AGAP1: variants seen among roughly 807,000 people sequenced by gnomAD.
AGAP1 encodes ArfGAP with GTPase domain, ankyrin repeat and PH domain 1.
In AGAP1, 29 loss-of-function variants were observed where a neutral mutation model predicts 105.3. The observed-to-expected ratio is 0.28, with a 90% CI of 0.21 to 0.38. AGAP1 has a LOEUF of 0.38. Among genes scored for constraint, AGAP1 ranks in the 10% least tolerant of loss-of-function variants. The pLI, the probability that AGAP1 is intolerant of heterozygous loss-of-function variation, is 1.00. For synonymous variants in AGAP1, 509 were observed against 485.9 expected (o/e 1.05, Z -0.63); for missense variants, 998 against 1,165.1 (o/e 0.86, Z 2.09).
chr2:235,622,033 A>G lies in AGAP1; in HGVS notation c.164-87146A>G, dbSNP rs148761513. ...TCCTCTAACTAGTGGTCAGCTTGCT[A>G]CTGTCCAACCTAAGCTCATATTCAA... On this transcript the variant is annotated intron_variant, in intron 1 of 17. Transcript: ENST00000304032. The surrounding 1 kb of genome is among the most constrained non-coding windows in gnomAD (Gnocchi z 5.0). Among the ~76,000 whole-genome samples, 856 of 152,284 alleles carry G rather than the reference A, an allele frequency of 5.6e-3. 6 individuals are homozygous for G. Among genetic ancestry groups the G allele is most frequent in the South Asian group, 0.02 (94 of 4,814 alleles).
rs1279709709 is a variant in AGAP1 at position 235,936,754 on chromosome 2, A to C, written c.1483+5831A>C. 6.6e-6 allele frequency among the ~76,000 whole-genome samples: 1 copy of C among 152,172 alleles called. No homozygotes were observed. Among genetic ancestry groups the C allele is most frequent in the Non-Finnish European group, 1.5e-5 (1 of 68,032 alleles). ...CAGTGAAGCGTGGTGGGGAGGAAAT[A>C]CATGTGTTGACAGCCTCCGCTGTTG... On this transcript the variant is annotated intron_variant, in intron 12 of 17. Coordinates refer to ENST00000304032, the MANE Select transcript of AGAP1 (RefSeq NM_001037131.3). The surrounding 1 kb of genome is among the most constrained non-coding windows in gnomAD (Gnocchi z 4.7).
chr2:235,804,061 TCTGCTACG>T (rs1957716030), intron 8 of AGAP1, among the ~76,000 whole-genome samples: 1 of 152,230 alleles, frequency 6.6e-6, no homozygotes, highest in Non-Finnish European at 1.5e-5. Flanking sequence ...CAAGCCCTTT[TCTGCTACG>T]CTGCTACTGC....
intron 1 of AGAP1, among the ~76,000 whole-genome samples, chr2:235,671,910 C>T (rs764473805): frequency 5.9e-5 from 9 of 152,162 alleles, no homozygotes; most frequent in South Asian, 2.1e-4. Context: ...AAAACACAGA[C>T]TCCATCAACT....
At chr2:235,821,382 ATTTT>A (rs200107062) in intron 9 of AGAP1, among the ~76,000 whole-genome samples, 1 of 133,816 alleles carries the variant, frequency 7.5e-6, no homozygotes. Context: ...CAGAACTTCA[ATTTT>A]TTTTTTTTTT....
In AGAP1 at chr2:236,084,061, C is replaced by T. The variant is rs10208654; in HGVS notation, c.2114+34780C>T. Among the ~76,000 whole-genome samples, 898 of 152,256 alleles carry T rather than the reference C, an allele frequency of 5.9e-3. 6 individuals carry two copies. Among genetic ancestry groups the T allele is most frequent in the African/African-American group, 0.02 (849 of 41,530 alleles). The stretch of plus-strand genomic sequence containing the variant: ...AGACTCACAAAGTCTGGAGGATTGG[C>T]GCTCTCTGTTCAGCCGGGCAGGAAG... On this transcript the variant is annotated intron_variant, in intron 16 of 17. Coordinates refer to ENST00000304032, the MANE Select transcript of AGAP1 (RefSeq NM_001037131.3).
intron 12 of AGAP1, among the ~76,000 whole-genome samples, chr2:235,946,814 G>A (rs192178662): frequency 6.6e-6 from 1 of 152,220 alleles, no homozygotes; most frequent in Non-Finnish European, 1.5e-5. Context: ...GCCCAGCCAG[G>A]CATATCCCTG....
chr2:235,506,090 C>T (rs1199987797), intron 1 of AGAP1, among the ~76,000 whole-genome samples: 1 of 151,908 alleles, frequency 6.6e-6, no homozygotes, highest in African/African-American at 2.4e-5. Flanking sequence ...ACCACCACAC[C>T]CAACTAATTT....
chr2:236,100,488 GGT>G (rs764383279), intron 16 of AGAP1, among the ~76,000 whole-genome samples: 1 of 152,026 alleles, frequency 6.6e-6, no homozygotes, highest in Non-Finnish European at 1.5e-5. Flanking sequence ...ACACCTAGTG[GGT>G]GTATAGATTT....
chr2:235,755,785 A>C (rs1412133580), intron 6 of AGAP1, among the ~76,000 whole-genome samples: 3 of 152,168 alleles, frequency 2.0e-5, no homozygotes, highest in African/African-American at 2.4e-5. Context: ...TCATATGAAG[A>C]AGCAGCTTTC....
chr2:235,668,603 C>T (rs140336102), intron 1 of AGAP1, among the ~76,000 whole-genome samples: 1 of 152,330 alleles, frequency 6.6e-6, no homozygotes, highest in Non-Finnish European at 1.5e-5. Context: ...TGAAACAATA[C>T]ATCTGTGTTT....
At position 235,879,349 on chromosome 2, in the gene AGAP1, G is replaced by T. The variant is rs141789683; in HGVS notation, c.1051-3996G>T. On this transcript the variant is annotated intron_variant, in intron 9 of 17. Transcript: ENST00000304032. The surrounding 1 kb of genome is among the most constrained non-coding windows in gnomAD (Gnocchi z 5.0). ...CGGGGCAGCCAAGTGGCTCTTGGTCGCCACAGCAATTCTTGGGGGGGTCAG... is the reference window on the plus strand; with the variant it reads ...CGGGGCAGCCAAGTGGCTCTTGGTCTCCACAGCAATTCTTGGGGGGGTCAG... 6.6e-6 allele frequency among the ~76,000 whole-genome samples: 1 copy of T among 152,290 alleles called. No homozygotes were observed. Among genetic ancestry groups the T allele is most frequent in the Non-Finnish European group, 1.5e-5 (1 of 68,026 alleles).
chr2:235,667,916 C>A (rs891394089), intron 1 of AGAP1, among the ~76,000 whole-genome samples: 12 of 140,814 alleles, frequency 8.5e-5, no homozygotes, highest in Non-Finnish European at 1.8e-4. Context: ...CGAGATCGTG[C>A]CATTGAGCTC....
intron 8 of AGAP1, among the ~76,000 whole-genome samples, chr2:235,803,147 CATG>C (rs1387635449): frequency 1.6e-4 from 5 of 31,550 alleles, no homozygotes; most frequent in African/African-American, 6.0e-4. Flanking sequence ...TGGTGATGGT[CATG>C]ATGGTGATGA....
intron 1 of AGAP1, among the ~76,000 whole-genome samples, chr2:235,707,412 T>G (rs1234345441): frequency 6.7e-6 from 1 of 148,614 alleles, no homozygotes; most frequent in African/African-American, 2.5e-5. Context: ...CGGGAGACCC[T>G]TGACGCTGTC....
rs544811239 is a variant in AGAP1, at chr2:235,763,655, C to T, written c.673+13167C>T. Among the ~76,000 whole-genome samples the T allele has an allele frequency of 2.6e-5, 4 of 152,296 alleles. No homozygotes were observed. In the South Asian group the frequency reaches 8.3e-4, roughly 32 times the overall value. ...GCCTTCCAGGAGACCTGTCCTAATT[C>T]AGCGTTCTCCAGCAGCTGCCCTTTT... On this transcript the variant is annotated intron_variant, in intron 6 of 17. Transcript: ENST00000304032.
intron 12 of AGAP1, among the ~76,000 whole-genome samples, chr2:235,955,656 A>G (rs184856935): frequency 1.3e-5 from 2 of 152,330 alleles, no homozygotes; most frequent in Non-Finnish European, 2.9e-5. Context: ...CACTCAACCC[A>G]TGGGATGATA....
intron 1 of AGAP1, among the ~76,000 whole-genome samples, chr2:235,671,676 A>G (rs909412727): frequency 6.6e-6 from 1 of 152,152 alleles, no homozygotes; most frequent in Non-Finnish European, 1.5e-5. Flanking sequence ...CATCTTAATG[A>G]GGAGAGCGAG....
intron 12 of AGAP1, among the ~76,000 whole-genome samples, chr2:235,945,812 T>C (rs781506577): frequency 7.0e-6 from 1 of 143,776 alleles, no homozygotes; most frequent in Non-Finnish European, 1.5e-5. Flanking sequence ...TGGCGTCTGC[T>C]TGGCTTCCGG....
intron 16 of AGAP1, among the ~76,000 whole-genome samples, chr2:236,100,937 A>G (rs938775482): frequency 3.3e-5 from 5 of 151,926 alleles, no homozygotes; most frequent in Non-Finnish European, 5.9e-5. Flanking sequence ...TTCAGTTGTC[A>G]TTACCCTGGA....
Sources: allele counts gnomAD v4.1 joint callset (sites outside exome capture counted in the v4.1 genomes callset), GRCh38; gene constraint gnomAD v4.1.1; non-coding constraint Gnocchi (gnomAD v3.1); transcripts MANE v1.5; gene names NCBI Gene and HGNC (gene_info 2026-07-23, HGNC 2026-07-21).